Variants in ARFGAP2 observed in about 807,000 individuals in gnomAD.
ARFGAP2 encodes ADP-ribosylation factor GTPase-activating protein 2.
In ARFGAP2, 45 loss-of-function variants were observed where a neutral mutation model predicts 71.9. The observed-to-expected ratio is 0.63, with a 90% CI of 0.49 to 0.80. The LOEUF is 0.80. Among genes scored for constraint, ARFGAP2 ranks in the 30% least tolerant of loss-of-function variants. The probability of loss-of-function intolerance (pLI) is 0.00; values close to 1 mark genes in which losing one functional copy is unlikely to be tolerated. For synonymous variants in ARFGAP2, 248 were observed against 249.2 expected, an observed-to-expected ratio of 1.00 and a Z score of 0.05; for missense variants, 633 against 673.9, an observed-to-expected ratio of 0.94 and a Z score of 0.67.
intron 3 of ARFGAP2, 69 bp from the exon 4 acceptor site, chr11:47,175,382 G>A (rs1164689565): frequency 1.9e-6 from 3 of 1,607,598 alleles, no homozygotes; most frequent in Non-Finnish European, 1.7e-6. Context: ...TTGGCTGTAG[G>A]AGACATCTCC....
chr11:47,172,610 A>C, intron 7 of ARFGAP2: 1 of 1,316,318 alleles, frequency 7.6e-7, no homozygotes, highest in Non-Finnish European at 1.0e-6. Context: ...GAACCAAAAC[A>C]AAGACTGCGA....
chr11:47,176,188 T>A (rs543963988), intron 2 of ARFGAP2: 1 of 590,940 alleles, frequency 1.7e-6, no homozygotes, highest in African/African-American at 1.9e-5. Flanking sequence ...CCCTAATGGA[T>A]GGTCACAGTC....
At chr11:47,174,034 A>C in intron 5 of ARFGAP2, 194 bp from the exon 6 acceptor site, 1 of 1,008,314 alleles carries the variant, frequency 9.9e-7, no homozygotes, top group Non-Finnish European at 1.4e-6. Flanking sequence ...CCCCACCCCA[A>C]CCCCTTCACT....
intron 15 of ARFGAP2, 42 bp from the exon 16 acceptor site, chr11:47,165,544 C>T (rs759020754): frequency 1.9e-5 from 29 of 1,527,610 alleles, no homozygotes; most frequent in Non-Finnish European, 2.4e-5. Flanking sequence ...AAGTCAGAGG[C>T]TCTAAGCTGC....
At chr11:47,176,737 G>C (rs201005829) in intron 1 of ARFGAP2, 45 bp downstream of exon 1, 44 of 1,612,860 alleles carry the variant, frequency 2.7e-5, no homozygotes, top group Non-Finnish European at 3.6e-5. Flanking sequence ...CCCTCCCTCA[G>C]GCCCCAGCGG....
chr11:47,168,488 C>G (rs1590948608), intron 10 of ARFGAP2: 1 of 428,720 alleles, frequency 2.3e-6, no homozygotes, highest in Non-Finnish European at 4.2e-6. Context: ...CGTAGGAGTT[C>G]CCTGGCCAGT....
intron 12 of ARFGAP2, among the ~76,000 whole-genome samples, chr11:47,167,245 C>G (rs1211632693): frequency 1.3e-5 from 2 of 152,214 alleles, no homozygotes; most frequent in African/African-American, 2.4e-5. Context: ...ATGTGTCGGT[C>G]TGCCTGGCTT....
intron 10 of ARFGAP2, among the ~76,000 whole-genome samples, chr11:47,170,323 C>CAAAAA (rs34843394): frequency 1.5e-3 from 110 of 73,462 alleles, no homozygotes; most frequent in Non-Finnish European, 2.0e-3. Flanking sequence ...GACTCCATCT[C>CAAAAA]AAAAAAAAAA....
chr11:47,175,915 T>C lies in ARFGAP2; in HGVS notation c.200A>G (p.Glu67Gly). 1 of 1,614,122 alleles carries C rather than the reference T, an allele frequency of 6.2e-7. No homozygotes were observed. ...GVHLSFIRST[E>G]LDSNWNWFQL... is the part of the protein sequence containing the mutation. The stretch of plus-strand genomic sequence containing the variant: ...GAACCAGTTCCAGTTGGAATCCAAC[T>C]CTGTGGACCTGTGTACAAGGGCTGC... The change falls in exon 3 of 16, where the codon GAG becomes GGG. Residue 67 changes from glutamate to glycine, a missense_variant. Coordinates refer to ENST00000524782, the MANE Select transcript of ARFGAP2 (RefSeq NM_032389.6).
chr11:47,173,683 G>A, intron 6 of ARFGAP2, 76 bp downstream of exon 6: 1 of 1,517,264 alleles, frequency 6.6e-7, no homozygotes, highest in Non-Finnish European at 8.9e-7. Flanking sequence ...CTATTGTCAT[G>A]GCCAGATGTC....
rs1476803183 is a variant in ARFGAP2 at position 47,175,172 on chromosome 11, A to G, written c.396+10T>C. On this transcript the variant is annotated intron_variant, in intron 4 of 15. Transcript: ENST00000524782. ...ACCCTCCTGCCCCAGCCCCAAGAAC[A>G]GGCACTTACATCAGTGCCATGCCTA... is the stretch of plus-strand genomic sequence containing the variant. 3.1e-6 allele frequency: 5 copies of G among 1,614,006 alleles called. No homozygotes were observed. The highest frequency in any genetic ancestry group is 4.2e-6 in the Non-Finnish European group (5 of 1,179,964).
At chr11:47,170,042 G>A (rs981329611) in intron 10 of ARFGAP2, among the ~76,000 whole-genome samples, 6 of 152,104 alleles carry the variant, frequency 3.9e-5, no homozygotes, top group African/African-American at 1.4e-4. Flanking sequence ...CGTAATCCAA[G>A]CACTGGGCGC....
At position 47,173,847 on chromosome 11, in the gene ARFGAP2, A is replaced by G. The variant is rs1224730054; in HGVS notation, c.481-7T>C. 6 of 1,593,192 alleles carry G rather than the reference A, an allele frequency of 3.8e-6. No homozygotes were observed. The South Asian group carries it at 5.7e-5, about 15-fold the overall frequency. On this transcript the variant is annotated splice_polypyrimidine_tract_variant and splice_region_variant and intron_variant, in intron 5 of 15. Coordinates refer to ENST00000524782, the MANE Select transcript of ARFGAP2 (RefSeq NM_032389.6). ...GCGCATCCCAGGCAGGGGGCTGAAAAGGAGGCCAGATCACAGATGCCTCGG... is the reference window on the plus strand; with the variant it reads ...GCGCATCCCAGGCAGGGGGCTGAAAGGGAGGCCAGATCACAGATGCCTCGG...
At position 47,166,447 on chromosome 11, in the gene ARFGAP2, G is replaced by A. The variant is rs1018977212; in HGVS notation, c.1426+59C>T. 2.5e-6 allele frequency: 4 copies of A among 1,611,516 alleles called. No homozygotes were observed. In the African/African-American group the frequency reaches 4.0e-5, roughly 16 times the overall value. On this transcript the variant is annotated intron_variant, in intron 14 of 15. Transcript: ENST00000524782. ...AAGAAGCCCTTCCCAGTCACAGCAG[G>A]GCCCTCCCGCCCTGCTCCCAGGCCT...
At chr11:47,173,287 G>A in intron 7 of ARFGAP2, 139 bp downstream of exon 7, 1 of 1,008,734 alleles carries the variant, frequency 9.9e-7, no homozygotes, top group Non-Finnish European at 1.5e-6. Context: ...TTCAATCACA[G>A]TCCCCACTCC....
intron 12 of ARFGAP2, among the ~76,000 whole-genome samples, chr11:47,167,697 G>A (rs1345870762): frequency 1.3e-5 from 2 of 152,142 alleles, no homozygotes; most frequent in Non-Finnish European, 2.9e-5. Context: ...ACGTTTATCA[G>A]AAATTAAACT....
At position 47,172,330 on chromosome 11, in the gene ARFGAP2, A is replaced by T; in HGVS notation, c.623T>A (p.Leu208Gln). ...CTTCTTGCCAATGATGGAGCTTTTCAGTTCTGCGTGAGAAACGGGTAGGCA... is the reference window on the plus strand; with the variant it reads ...CTTCTTGCCAATGATGGAGCTTTTCTGTTCTGCGTGAGAAACGGGTAGGCA... The part of the protein sequence containing the change: ...LGTSPKASLE[L>Q]KSSIIGKKKP... The change falls in exon 8 of 16, where the codon CTG becomes CAG. Residue 208 changes from leucine to glutamine, a missense_variant. Coordinates refer to ENST00000524782, the MANE Select transcript of ARFGAP2 (RefSeq NM_032389.6). 1 of 1,614,120 alleles carries T rather than the reference A, an allele frequency of 6.2e-7. No individual in the cohort carries two copies. The highest frequency in any genetic ancestry group is 8.5e-7 in the Non-Finnish European group (1 of 1,180,028).
chr11:47,169,689 C>G (rs927637162), intron 10 of ARFGAP2: 14 of 152,096 alleles, frequency 9.2e-5, no homozygotes, highest in African/African-American at 3.1e-4. Context: ...GAAACCCTGT[C>G]TCTACTAAAA....
intron 8 of ARFGAP2, 99 bp from the exon 9 acceptor site, chr11:47,171,899 T>C (rs1315710963): frequency 1.5e-5 from 23 of 1,507,270 alleles, no homozygotes; most frequent in Non-Finnish European, 2.0e-5. Context: ...AAAAGGCCCT[T>C]CTTAAAATTT....
Sources: gnomAD v4.1 joint callset for allele counts (sites outside exome capture counted in the v4.1 genomes callset) on GRCh38, gnomAD v4.1.1 for gene constraint, MANE v1.5 for transcripts, NCBI Gene and HGNC (gene_info 2026-07-23, HGNC 2026-07-21) for gene names.